Variants in MED24 observed in about 807,000 individuals in gnomAD.
The protein encoded by MED24 is mediator complex subunit 24, also known as mediator of RNA polymerase II transcription subunit 24.
Under a neutral mutation model 118.8 loss-of-function variants are expected in MED24, and 74 were observed. The observed-to-expected ratio is 0.62, with a 90% CI of 0.52 to 0.76. The LOEUF is 0.76. Ranked by LOEUF, MED24 falls within the 30% of genes least tolerant of loss-of-function variation. The probability of loss-of-function intolerance (pLI) is 0.00; values close to 1 mark genes in which losing one functional copy is unlikely to be tolerated. For missense variants in MED24, 1,041 were observed against 1,278.9 expected (o/e 0.81, Z 2.84); for synonymous variants, 521 against 523.9 (o/e 0.99, Z 0.08).
intron 1 of MED24, chr17:40,053,857 G>T: frequency 1.6e-6 from 1 of 627,464 alleles, no homozygotes; most frequent in Non-Finnish European, 2.8e-6. Flanking sequence ...TCGGCCGAGC[G>T]CAGTGGCTCG....
chr17:40,029,221 CAG>C (rs1983078164), intron 13 of MED24, among the ~76,000 whole-genome samples: 4 of 152,146 alleles, frequency 2.6e-5, no homozygotes, highest in African/African-American at 9.7e-5. Flanking sequence ...CTTTTTTAGA[CAG>C]AGTCTCGCTC....
At chr17:40,034,230 C>T (rs1010774559) in intron 6 of MED24, among the ~76,000 whole-genome samples, 4 of 152,132 alleles carry the variant, frequency 2.6e-5, no homozygotes, top group African/African-American at 7.2e-5. Context: ...AGTATTCATC[C>T]GATTTTCAGC....
At position 40,027,899 on chromosome 17, in the gene MED24, G is replaced by C; in HGVS notation, c.1447+10C>G. 1 of 1,612,844 alleles carries C rather than the reference G, an allele frequency of 6.2e-7. No individual in the cohort carries two copies. The highest frequency in any genetic ancestry group is 8.5e-7 in the Non-Finnish European group (1 of 1,179,728). On this transcript the variant is annotated intron_variant, in intron 15 of 25. Transcript: ENST00000394128. Reference sequence around the variant, plus strand: ...CCCACTGGGCCTGCGGATGCACAGGGCTGACTTACTGCTTTCTTCGCTGCC... The same window carrying C: ...CCCACTGGGCCTGCGGATGCACAGGCCTGACTTACTGCTTTCTTCGCTGCC...
chr17:40,029,937 G>A (rs1983168430), intron 12 of MED24, 78 bp from the exon 13 acceptor site: 15 of 1,318,842 alleles, frequency 1.1e-5, no homozygotes, highest in South Asian at 2.4e-5. Flanking sequence ...GTTCAAGCCC[G>A]GAAGGAAATG....
Position 40,031,172 on chromosome 17 carries a change from G to A in MED24, c.1141C>T (p.Leu381Phe). Reference protein sequence around the residue: ...GLLSEASVNNLMAKRKADREH... With the variant: ...GLLSEASVNNFMAKRKADREH... ...GTTCACACTTACCGCTTAGCCATAA[G>A]GTTGTTGACGCTGGCCTCAGACAGA... Residue 381 changes from leucine (L) to phenylalanine (F), a missense_variant, in exon 12 of 26, where the codon CTT (leucine) becomes TTT (phenylalanine). Leu to Phe is a conservative substitution (Grantham distance 22). Transcript: ENST00000394128. 1 of 1,567,704 alleles carries A rather than the reference G, an allele frequency of 6.4e-7. No homozygotes were observed. Among genetic ancestry groups the A allele is most frequent in the Non-Finnish European group, 8.7e-7 (1 of 1,155,110 alleles).
At chr17:40,044,153 C>T (rs931456612) in intron 3 of MED24, among the ~76,000 whole-genome samples, 186 of 102,712 alleles carry the variant, frequency 1.8e-3, no homozygotes, top group Middle Eastern at 5.7e-3. Context: ...AAAGCCGTAA[C>T]AAAAAAAAAA....
intron 5 of MED24, 72 bp from the exon 6 acceptor site, chr17:40,035,421 A>C: frequency 6.9e-7 from 1 of 1,443,110 alleles, no homozygotes; most frequent in Non-Finnish European, 9.3e-7. Context: ...AATGTTCCCC[A>C]GAGTCCCTGG....
chr17:40,031,926 G>A (rs1983434656), intron 10 of MED24, 117 bp downstream of exon 10: 11 of 1,203,478 alleles, frequency 9.1e-6, no homozygotes, highest in African/African-American at 1.5e-5. Context: ...ACGCTGAGGT[G>A]TACACTCACA....
In MED24 at chr17:40,019,780, C is replaced by A; in HGVS notation, c.2853+5G>T. On this transcript the variant is annotated splice_donor_5th_base_variant and intron_variant, in intron 25 of 25. Coordinates refer to ENST00000394128, the MANE Select transcript of MED24 (RefSeq NM_014815.4). ...CAGCAGGAGAGCCGGGAAGGTGGTA[C>A]TCACGGTGGTGAAGGGCATGAACTG... is the stretch of plus-strand genomic sequence containing the variant. 6.2e-7 allele frequency: 1 copy of A among 1,611,998 alleles called. No individual in the cohort carries two copies. Among genetic ancestry groups the A allele is most frequent in the Non-Finnish European group, 8.5e-7 (1 of 1,178,862 alleles).
chr17:40,024,747 G>GT (rs1982443310), intron 19 of MED24, among the ~76,000 whole-genome samples: 2 of 152,052 alleles, frequency 1.3e-5, no homozygotes, highest in South Asian at 2.1e-4. Flanking sequence ...TTTTTGTTTT[G>GT]TTTTTTGAGA....
At position 40,032,110 on chromosome 17, in the gene MED24, G is replaced by A; in HGVS notation, c.937-20C>T. The A allele has an allele frequency of 6.2e-7, 1 of 1,611,768 alleles. No individual in the cohort carries two copies. The highest frequency in any genetic ancestry group is 8.5e-7 in the Non-Finnish European group (1 of 1,178,470). On this transcript the variant is annotated intron_variant, in intron 9 of 25. Transcript: ENST00000394128. Reference sequence around the variant, plus strand: ...TGGAATCTAGGGGGTGAGGCAGGGGGAAAAACAGGAAGATCCATTTCTTTT... The same window carrying A: ...TGGAATCTAGGGGGTGAGGCAGGGGAAAAAACAGGAAGATCCATTTCTTTT...
intron 3 of MED24, among the ~76,000 whole-genome samples, chr17:40,043,037 G>A (rs187766505): frequency 1.4e-4 from 21 of 152,320 alleles, no homozygotes; most frequent in Admixed American, 9.2e-4. Flanking sequence ...CCGCAAGTGC[G>A]CCTCCGCGGT....
At chr17:40,024,895 C>G (rs1235317878) in intron 19 of MED24, among the ~76,000 whole-genome samples, 1 of 152,110 alleles carries the variant, frequency 6.6e-6, no homozygotes, top group Non-Finnish European at 1.5e-5. Context: ...GCCACCACTC[C>G]CTGCTCATTT....
intron 12 of MED24, among the ~76,000 whole-genome samples, chr17:40,030,266 A>T (rs900449306): frequency 4.0e-5 from 6 of 151,366 alleles, no homozygotes; most frequent in African/African-American, 1.5e-4. Context: ...CTGGGATTAC[A>T]GGTGAGCCAG....
rs1215770614 is a variant in MED24, at chr17:40,023,284, GTTC to G, written c.2094_2096del (p.Trp698_Asn699delinsCys). 2 of 1,614,052 alleles carry G rather than the reference GTTC, an allele frequency of 1.2e-6. No individual in the cohort carries two copies. Among genetic ancestry groups the G allele is most frequent in the African/African-American group, 2.7e-5 (2 of 74,928 alleles). ...TGATGGGCCGCTTGGGGGGCAGCAG[GTTC>G]CAGTAGGGCATTGTGTCCACCCCGG... On this transcript the variant is annotated inframe_deletion, in exon 20 of 26. Coordinates refer to ENST00000394128, the MANE Select transcript of MED24 (RefSeq NM_014815.4).
intron 10 of MED24, 141 bp downstream of exon 10, chr17:40,031,902 T>C (rs1158046457): frequency 5.0e-6 from 5 of 997,860 alleles, no homozygotes; most frequent in Non-Finnish European, 6.1e-6. Context: ...GCATGCACAT[T>C]GTGAAGCACG....
intron 3 of MED24, among the ~76,000 whole-genome samples, chr17:40,049,128 G>T (rs1567638417): frequency 6.6e-6 from 1 of 151,956 alleles, no homozygotes; most frequent in Non-Finnish European, 1.5e-5. Context: ...ATTACTTGAG[G>T]CCAGGAGTTC....
chr17:40,020,019 G>T, intron 24 of MED24, 86 bp from the exon 25 acceptor site: 1 of 1,478,658 alleles, frequency 6.8e-7, no homozygotes, highest in South Asian at 1.2e-5. Flanking sequence ...GACTGAAAAG[G>T]GAAAAGAAAC....
chr17:40,028,146 C>T (rs185193490), intron 14 of MED24, 200 bp from the exon 15 acceptor site: 6 of 532,736 alleles, frequency 1.1e-5, no homozygotes, highest in African/African-American at 9.7e-5. Flanking sequence ...GAAAGAGTCT[C>T]GCTCTGTCAC....
Sources: gnomAD v4.1 joint callset for allele counts (sites outside exome capture counted in the v4.1 genomes callset) on GRCh38, gnomAD v4.1.1 for gene constraint, MANE v1.5 for transcripts, NCBI Gene and HGNC (gene_info 2026-07-23, HGNC 2026-07-21) for gene names.